Variants in SDHC observed in about 807,000 individuals in gnomAD.
The protein encoded by SDHC is succinate dehydrogenase complex subunit C.
A neutral mutation model predicts 22.6 loss-of-function variants in SDHC; 11 were observed. The observed-to-expected ratio is 0.49, with a 90% CI of 0.31 to 0.81. The LOEUF is 0.81. Among genes scored for constraint, SDHC ranks in the 30% least tolerant of loss-of-function variants. The pLI, the probability that SDHC is intolerant of heterozygous loss-of-function variation, is 0.05. For synonymous variants in SDHC, 80 were observed against 77.8 expected, an observed-to-expected ratio of 1.03 and a Z score of -0.15; for missense variants, 160 against 212.0, an observed-to-expected ratio of 0.75 and a Z score of 1.52.
intron 3 of SDHC, among the ~76,000 whole-genome samples, chr1:161,332,604 C>G (rs923115378): frequency 6.6e-6 from 1 of 151,714 alleles, no homozygotes; most frequent in African/African-American, 2.4e-5. Flanking sequence ...GTTCAGCCAT[C>G]ACCACAATTT....
rs953898375 is a variant in SDHC at position 161,344,132 on chromosome 1, C to CA, written c.241+3486dup. On this transcript the variant is annotated intron_variant, in intron 4 of 5. Transcript: ENST00000367975. ...AAACCCCGTCTCTACTAAAAAAATACAAAAAAAAATAGCCGGGCATGGTGG... is the reference window on the plus strand; with the variant it reads ...AAACCCCGTCTCTACTAAAAAAATACAAAAAAAAAATAGCCGGGCATGGTGG... Among the ~76,000 whole-genome samples, 209 of 150,206 alleles carry CA rather than the reference C, an allele frequency of 1.4e-3. 1 individual carries two copies. Among genetic ancestry groups the CA allele is most frequent in the African/African-American group, 4.5e-3 (186 of 40,936 alleles).
At position 161,363,011 on chromosome 1, in the gene SDHC, C is replaced by T. The variant is rs1420640047; in HGVS notation, c.*578C>T. ...GAGGGCTAGTTAGTTCTTGGAGCAG[C>T]TGCTTTTGAGGAGAAAATATATAGC... On this transcript the variant is annotated 3_prime_UTR_variant, in exon 6 of 6. Coordinates refer to ENST00000367975, the MANE Select transcript of SDHC (RefSeq NM_003001.5). 4.0e-6 allele frequency: 1 copy of T among 249,414 alleles called. No individual in the cohort carries two copies. Among genetic ancestry groups the T allele is most frequent in the East Asian group, 5.5e-5 (1 of 18,148 alleles). 15.5% of individuals were successfully genotyped at this position (249,414 alleles called of 1,614,324 possible). A position where few individuals can be genotyped will look rare whatever the true frequency, so the allele number is the denominator to read the frequency against.
At chr1:161,356,591 A>T (rs570872385) in intron 4 of SDHC, 86 bp from the exon 5 acceptor site, 8 of 1,321,456 alleles carry the variant, frequency 6.1e-6, no homozygotes, top group Non-Finnish European at 7.6e-6. Context: ...TTAGAATTGT[A>T]TGAGGTGCCA....
chr1:161,336,748 GT>G (rs538142278), intron 3 of SDHC, among the ~76,000 whole-genome samples: 1 of 152,096 alleles, frequency 6.6e-6, no homozygotes, highest in African/African-American at 2.4e-5. Context: ...CATTTTTTGG[GT>G]TTTTTGAAAG....
At chr1:161,359,569 C>T (rs1429863183) in intron 5 of SDHC, among the ~76,000 whole-genome samples, 2 of 152,100 alleles carry the variant, frequency 1.3e-5, no homozygotes, top group Non-Finnish European at 2.9e-5. Context: ...TTGTCTTTGT[C>T]TCAATATGGG....
intron 1 of SDHC, among the ~76,000 whole-genome samples, chr1:161,315,912 G>A (rs1670592354): frequency 6.6e-6 from 1 of 152,080 alleles, no homozygotes; most frequent in Non-Finnish European, 1.5e-5. Flanking sequence ...TCGGAGAGGG[G>A]GATGTGGCAG....
chr1:161,340,988 C>T (rs1558174828), intron 4 of SDHC, among the ~76,000 whole-genome samples: 1 of 152,158 alleles, frequency 6.6e-6, no homozygotes, highest in Non-Finnish European at 1.5e-5. Flanking sequence ...GGATTACAGG[C>T]ATGTGCCACC....
chr1:161,329,148 C>T lies in SDHC; in HGVS notation c.179+651C>T, dbSNP rs180815628. Reference sequence around the variant, plus strand: ...GTCTTGATCTCTTGACCTAGTGATCCGCCCGCCTCGGCCTCCCAAAGTGCT... The same window carrying T: ...GTCTTGATCTCTTGACCTAGTGATCTGCCCGCCTCGGCCTCCCAAAGTGCT... On this transcript the variant is annotated intron_variant, in intron 3 of 5. Transcript: ENST00000367975. Among the ~76,000 whole-genome samples the T allele has an allele frequency of 1.9e-3, 285 of 152,090 alleles. 1 individual carries two copies. The highest frequency in any genetic ancestry group is 6.0e-3 in the African/African-American group (250 of 41,498).
intron 4 of SDHC, among the ~76,000 whole-genome samples, chr1:161,346,164 A>AT (rs1671890504): frequency 6.6e-6 from 1 of 152,144 alleles, no homozygotes; most frequent in Admixed American, 6.5e-5. Flanking sequence ...TATCTATCTT[A>AT]TTTACCATTC....
intron 3 of SDHC, among the ~76,000 whole-genome samples, chr1:161,337,228 C>G (rs944258680): frequency 1.3e-5 from 2 of 152,006 alleles, no homozygotes; most frequent in African/African-American, 4.8e-5. Flanking sequence ...TCAAACAGGG[C>G]CTAGTGAAGA....
chr1:161,323,948 G>A (rs1461260052), intron 2 of SDHC, among the ~76,000 whole-genome samples: 1 of 152,042 alleles, frequency 6.6e-6, no homozygotes, highest in Admixed American at 6.6e-5. Flanking sequence ...CGCCCGCCTC[G>A]GCCTCCCAAA....
At chr1:161,351,275 G>A (rs1672089779) in intron 4 of SDHC, among the ~76,000 whole-genome samples, 1 of 152,094 alleles carries the variant, frequency 6.6e-6, no homozygotes, top group Non-Finnish European at 1.5e-5. Flanking sequence ...CTATACTTTA[G>A]TCTCTTGTAA....
chr1:161,343,637 A>C (rs969533922), intron 4 of SDHC, among the ~76,000 whole-genome samples: 1 of 152,118 alleles, frequency 6.6e-6, no homozygotes, highest in Non-Finnish European at 1.5e-5. Context: ...ATTCATAATT[A>C]CTTTTATTTC....
At position 161,346,787 on chromosome 1, in the gene SDHC, G is replaced by A. The variant is rs919253532; in HGVS notation, c.241+6132G>A. On this transcript the variant is annotated intron_variant, in intron 4 of 5. Transcript: ENST00000367975. ...TATTATCTGTTGGAGATTGGTTCCA[G>A]GATTCCTCCTCAGATACCAAAATCT... Among the ~76,000 whole-genome samples, 6 of 152,144 alleles carry A rather than the reference G, an allele frequency of 3.9e-5. No homozygotes were observed. In the South Asian group the frequency reaches 1.2e-3, roughly 32 times the overall value.
At chr1:161,320,161 A>G (rs1292790865) in intron 1 of SDHC, among the ~76,000 whole-genome samples, 3 of 152,192 alleles carry the variant, frequency 2.0e-5, no homozygotes, top group Non-Finnish European at 4.4e-5. Flanking sequence ...TATAGACTAT[A>G]GCAATGGATT....
At chr1:161,329,707 T>G (rs995211732) in intron 3 of SDHC, among the ~76,000 whole-genome samples, 1 of 152,260 alleles carries the variant, frequency 6.6e-6, no homozygotes, top group Non-Finnish European at 1.5e-5. Context: ...ATGTATTGTC[T>G]TACCATTCTT....
At chr1:161,323,694 A>ATTAT (rs778450673) in intron 2 of SDHC, 24 bp downstream of exon 2, 50 of 1,542,858 alleles carry the variant, frequency 3.2e-5, no homozygotes, top group African/African-American at 2.4e-4. Flanking sequence ...TCTGGAGATT[A>ATTAT]TTTATTTATT....
rs532280654 is a variant in SDHC, at chr1:161,355,873, A to G, written c.242-804A>G. On this transcript the variant is annotated intron_variant, in intron 4 of 5. Transcript: ENST00000367975. Reference sequence around the variant, plus strand: ...GTGGCATGCATCTATAAGGCCAGCTACCTGGGAGGCTGAGGCACAAGAATG... The same window carrying G: ...GTGGCATGCATCTATAAGGCCAGCTGCCTGGGAGGCTGAGGCACAAGAATG... 4.0e-5 allele frequency among the ~76,000 whole-genome samples: 6 copies of G among 151,722 alleles called. No individual in the cohort carries two copies. The South Asian group carries it at 1.3e-3, about 32-fold the overall frequency.
chr1:161,339,605 A>G (rs866182250), intron 3 of SDHC: 6 of 1,166,736 alleles, frequency 5.1e-6, no homozygotes, highest in Middle Eastern at 4.6e-4. Context: ...ATCCTTCTCC[A>G]TAAATCAGTT....
Sources: gnomAD v4.1 joint callset for allele counts (sites outside exome capture counted in the v4.1 genomes callset) on GRCh38, gnomAD v4.1.1 for gene constraint, MANE v1.5 for transcripts, NCBI Gene and HGNC (gene_info 2026-07-23, HGNC 2026-07-21) for gene names.